The following PTTG1IP2 variants were observed in gnomAD, a reference collection of about 807,000 sequenced individuals.
The protein encoded by PTTG1IP2 is PTTG1IP family member 2.
At chr7:90,510,032 T>A (rs1282906903) in intron 6 of PTTG1IP2, among the ~76,000 whole-genome samples, 1 of 152,182 alleles carries the variant, frequency 6.6e-6, no homozygotes, top group Admixed American at 6.5e-5. Flanking sequence ...AAGAATCATA[T>A]ACCATAAATG....
chr7:90,491,633 A>G (rs558531161), intron 4 of PTTG1IP2, among the ~76,000 whole-genome samples: 8 of 152,216 alleles, frequency 5.3e-5, no homozygotes, highest in African/African-American at 1.9e-4. Flanking sequence ...AGAAAAAAAA[A>G]AAAAAGAAAT....
At chr7:90,485,514 A>G (rs1797863877) in intron 2 of PTTG1IP2, among the ~76,000 whole-genome samples, 1 of 152,164 alleles carries the variant, frequency 6.6e-6, no homozygotes, top group South Asian at 2.1e-4. Context: ...CCGGATAACA[A>G]CAGTAAACAC....
At chr7:90,509,916 G>A (rs911812416) in intron 6 of PTTG1IP2, among the ~76,000 whole-genome samples, 2 of 152,196 alleles carry the variant, frequency 1.3e-5, no homozygotes, top group African/African-American at 4.8e-5. Context: ...GATGTTTCAA[G>A]GTACTAAGAC....
At chr7:90,495,295 G>A (rs1797980764) in intron 6 of PTTG1IP2, among the ~76,000 whole-genome samples, 1 of 152,170 alleles carries the variant, frequency 6.6e-6, no homozygotes, top group African/African-American at 2.4e-5. Flanking sequence ...AGTGTCACTT[G>A]TTACTACTGT....
chr7:90,502,374 C>T (rs1288343471), intron 6 of PTTG1IP2, among the ~76,000 whole-genome samples: 1 of 152,218 alleles, frequency 6.6e-6, no homozygotes, highest in Non-Finnish European at 1.5e-5. Context: ...TTCTTCCAAA[C>T]TCCTGTTAAT....
At chr7:90,490,887 T>G (rs1286691510) in intron 4 of PTTG1IP2, among the ~76,000 whole-genome samples, 1 of 152,176 alleles carries the variant, frequency 6.6e-6, no homozygotes, top group African/African-American at 2.4e-5. Flanking sequence ...ATCCAACAAC[T>G]GTACTCAGTT....
chr7:90,502,258 C>A (rs1162406629), intron 6 of PTTG1IP2, among the ~76,000 whole-genome samples: 1 of 152,232 alleles, frequency 6.6e-6, no homozygotes, highest in Non-Finnish European at 1.5e-5. Flanking sequence ...AGTGATCCTC[C>A]CACCACAGCT....
chr7:90,471,857 G>T (rs912920180), intron 1 of PTTG1IP2, among the ~76,000 whole-genome samples: 5 of 152,180 alleles, frequency 3.3e-5, no homozygotes, highest in African/African-American at 1.2e-4. Context: ...GGAAACTCAG[G>T]TTCCTGCGTT....
intron 1 of PTTG1IP2, among the ~76,000 whole-genome samples, chr7:90,472,960 G>A (rs1797708187): frequency 1.3e-5 from 2 of 152,206 alleles, no homozygotes; most frequent in African/African-American, 4.8e-5. Flanking sequence ...TGAGGTAAAG[G>A]AAGGGTGAGA....
chr7:90,470,100 T>C (rs1797664299), intron 1 of PTTG1IP2, 169 bp downstream of exon 1: 1 of 152,440 alleles, frequency 6.6e-6, no homozygotes, highest in Non-Finnish European at 1.5e-5. Context: ...CTCAGTTAAA[T>C]TGGACTCAGA....
At chr7:90,472,438 C>A (rs962573040) in intron 1 of PTTG1IP2, among the ~76,000 whole-genome samples, 1 of 151,948 alleles carries the variant, frequency 6.6e-6, no homozygotes, top group Non-Finnish European at 1.5e-5. Context: ...GCCTCGAAGT[C>A]GATAGCAAGA....
chr7:90,501,470 C>G (rs897190813), intron 6 of PTTG1IP2, among the ~76,000 whole-genome samples: 10 of 152,158 alleles, frequency 6.6e-5, no homozygotes, highest in African/African-American at 2.4e-4. Context: ...GAATTTGAGA[C>G]CAGCCTGTGC....
chr7:90,511,285 A>T (rs1003191795), intron 6 of PTTG1IP2, among the ~76,000 whole-genome samples: 6 of 152,216 alleles, frequency 3.9e-5, no homozygotes, highest in African/African-American at 1.4e-4. Flanking sequence ...AGAAACAGAT[A>T]ATAAACAAGT....
chr7:90,495,389 C>G (rs551586927), intron 6 of PTTG1IP2, among the ~76,000 whole-genome samples: 1 of 152,334 alleles, frequency 6.6e-6, no homozygotes, highest in East Asian at 1.9e-4. Flanking sequence ...TTATCAACAT[C>G]TATGGCATGT....
rs17865826 is a variant in PTTG1IP2, at chr7:90,487,326, G to A, written c.193-1G>A. Reference sequence around the variant, plus strand: ...TTTTATTTTTCTCTTTCCAAATATAGTGTGTTTGGTGTAGTGAAGAAAAAG... The same window carrying A: ...TTTTATTTTTCTCTTTCCAAATATAATGTGTTTGGTGTAGTGAAGAAAAAG... On this transcript the variant is annotated splice_acceptor_variant, in intron 2 of 6. Coordinates refer to ENST00000509356, the MANE Select transcript of PTTG1IP2 (RefSeq NM_001365443.2). LOFTEE classifies it high-confidence loss of function. The A allele has an allele frequency of 0.043, 6,603 of 152,618 alleles. 652 individuals are homozygous for A. The highest frequency in any genetic ancestry group is 0.42 in the East Asian group (2,198 of 5,178). 9.5% of individuals were successfully genotyped at this position (152,618 alleles called of 1,614,324 possible). A position where few individuals can be genotyped will look rare whatever the true frequency, so the allele number is the denominator to read the frequency against.
intron 6 of PTTG1IP2, among the ~76,000 whole-genome samples, chr7:90,496,350 T>G (rs2116098716): frequency 6.6e-6 from 1 of 152,342 alleles, no homozygotes; most frequent in Non-Finnish European, 1.5e-5. Flanking sequence ...AGATTTTCTA[T>G]TTCTTAAGAA....
intron 6 of PTTG1IP2, among the ~76,000 whole-genome samples, chr7:90,512,162 A>G (rs2116140933): frequency 6.6e-6 from 1 of 152,180 alleles, no homozygotes; most frequent in East Asian, 1.9e-4. Context: ...TTAAATAAAC[A>G]TTTATTGAGC....
intron 6 of PTTG1IP2, among the ~76,000 whole-genome samples, chr7:90,510,755 G>A (rs1798179896): frequency 6.6e-6 from 1 of 152,202 alleles, no homozygotes; most frequent in Non-Finnish European, 1.5e-5. Context: ...ATTATTCACC[G>A]AGGAGATGGT....
At chr7:90,498,806 C>A (rs1798026591) in intron 6 of PTTG1IP2, among the ~76,000 whole-genome samples, 1 of 152,142 alleles carries the variant, frequency 6.6e-6, no homozygotes, top group African/African-American at 2.4e-5. Context: ...TATTTAACTT[C>A]TCTCCACCTC....
Sources: allele counts gnomAD v4.1 joint callset (sites outside exome capture counted in the v4.1 genomes callset), GRCh38; gene constraint gnomAD v4.1.1; transcripts MANE v1.5; gene names NCBI Gene and HGNC (gene_info 2026-07-23, HGNC 2026-07-21).